Variants in COL3A1 observed in about 807,000 individuals in gnomAD.
COL3A1 encodes collagen type III alpha 1 chain.
COL3A1 carries 46 observed loss-of-function variants against 200.9 expected under a neutral mutation model. That is an observed-to-expected ratio of 0.23 (90% confidence interval 0.18 to 0.29). COL3A1 has a LOEUF of 0.29. Ranked by LOEUF, COL3A1 falls within the 10% of genes least tolerant of loss-of-function variation. COL3A1 has a pLI of 1.00. For missense variants in COL3A1, 1,367 were observed against 1,917.6 expected, an observed-to-expected ratio of 0.71 and a Z score of 5.36; for synonymous variants, 650 against 628.0, an observed-to-expected ratio of 1.03 and a Z score of -0.52.
rs1377084633 is a variant in COL3A1, at chr2:188,980,424, TTTTA to T, written c.80-4335_80-4332del. Among the ~76,000 whole-genome samples the T allele has an allele frequency of 2.8e-3, 49 of 17,806 alleles. No individual in the cohort carries two copies. In the East Asian group the frequency reaches 0.034, roughly 12 times the overall value. The allele number at this position is 17,806 out of a possible 152,430, so 11.7% of individuals were successfully genotyped here. A position where few individuals can be genotyped will look rare whatever the true frequency, so the allele number is the denominator to read the frequency against. ...TTTAGACAATTCTAAAAGATTAATC[TTTTA>T]GACAATTCTAAAAGATTAATCTTTT... On this transcript the variant is annotated intron_variant, in intron 1 of 50. Coordinates refer to ENST00000304636, the MANE Select transcript of COL3A1 (RefSeq NM_000090.4).
At position 188,998,798 on chromosome 2, in the gene COL3A1, C is replaced by A. The variant is rs762889445; in HGVS notation, c.2022+80C>A. On this transcript the variant is annotated intron_variant, in intron 29 of 50. Coordinates refer to ENST00000304636, the MANE Select transcript of COL3A1 (RefSeq NM_000090.4). ...AGTAGTATATTTTTAGTATATCAAG[C>A]CAAAATACTCTTTCTTTAAAAGAGC... is the stretch of plus-strand genomic sequence containing the variant. 33 of 1,243,472 alleles carry A rather than the reference C, an allele frequency of 2.7e-5. No individual in the cohort carries two copies. In the East Asian group the frequency reaches 4.8e-4, roughly 18 times the overall value. 77.0% of individuals were successfully genotyped at this position (1,243,472 alleles called of 1,614,324 possible).
intron 47 of COL3A1, chr2:189,008,379 A>G: frequency 1.8e-6 from 1 of 542,560 alleles, no homozygotes; most frequent in Non-Finnish European, 3.3e-6. Context: ...CAGAATAATG[A>G]CATCTGCCCA....
Position 189,002,720 on chromosome 2 carries a change from C to T in COL3A1, c.2446-235C>T, listed in dbSNP as rs41263779. On this transcript the variant is annotated intron_variant, in intron 35 of 50. Coordinates refer to ENST00000304636, the MANE Select transcript of COL3A1 (RefSeq NM_000090.4). ...TTCAAATGTTTAATCCTTAGAGACA[C>T]TTCCTCCCTCCCTAATGGCAAATAA... Among the ~76,000 whole-genome samples the T allele has an allele frequency of 8.3e-3, 1,267 of 152,308 alleles. 10 individuals carry two copies. The highest frequency in any genetic ancestry group is 0.033 in the South Asian group (157 of 4,828).
chr2:189,005,280 A>G (rs985383915), intron 40 of COL3A1, 70 bp from the exon 41 acceptor site: 9 of 1,323,970 alleles, frequency 6.8e-6, no homozygotes, highest in East Asian at 2.3e-5. Context: ...GAAAATAAAG[A>G]TATCTGATAA....
rs35759441 is a variant in COL3A1 at position 189,009,052 on chromosome 2, G to A, written c.3654G>A (p.Pro1218=). The A allele has an allele frequency of 3.2e-5, 52 of 1,614,144 alleles. No individual in the cohort carries two copies. The highest frequency in any genetic ancestry group is 2.0e-4 in the East Asian group (9 of 44,872). ...GTGAAAAAGCTGGCGGTTTTGCCCC[G>A]TATTATGGAGATGAACCAATGGATT... is the stretch of plus-strand genomic sequence containing the variant. The part of the protein sequence containing the change: ...IGGEKAGGFA[P]YYGDEPMDFK... Residue 1218 remains proline, a synonymous_variant, in exon 48 of 51, where the codon CCG becomes CCA. Coordinates refer to ENST00000304636, the MANE Select transcript of COL3A1 (RefSeq NM_000090.4).
chr2:188,994,345 GT>G lies in COL3A1; in HGVS notation c.1293+19del. 6.2e-7 allele frequency: 1 copy of G among 1,613,294 alleles called. No individual in the cohort carries two copies. Among genetic ancestry groups the G allele is most frequent in the Non-Finnish European group, 8.5e-7 (1 of 1,179,794 alleles). ...GCGAGGTGGTGCAGTAAGTTGCCTT[GT>G]TTTTTCTCTGTTGACTGAAAGGTAT... On this transcript the variant is annotated intron_variant, in intron 18 of 50. Coordinates refer to ENST00000304636, the MANE Select transcript of COL3A1 (RefSeq NM_000090.4). The surrounding 1 kb of genome is among the most constrained non-coding windows in gnomAD (Gnocchi z 4.5).
intron 41 of COL3A1, 147 bp from the exon 42 acceptor site, chr2:189,006,059 C>T: frequency 1.3e-6 from 1 of 770,750 alleles, no homozygotes; most frequent in African/African-American, 1.7e-5. Context: ...TGAAGGGCCA[C>T]ACTGCTTTGT....
rs767962805 is a variant in COL3A1, at chr2:188,991,650, T to C, written c.898-19T>C. ...ATGTCAAGATTAGAGTAAAACCATA[T>C]TTCAATTTTACTCTGTAGGGTCCAA... On this transcript the variant is annotated intron_variant, in intron 12 of 50. Coordinates refer to ENST00000304636, the MANE Select transcript of COL3A1 (RefSeq NM_000090.4). The C allele has an allele frequency of 1.6e-5, 26 of 1,613,858 alleles. No homozygotes were observed. The highest frequency in any genetic ancestry group is 2.1e-5 in the Non-Finnish European group (25 of 1,179,794).
In COL3A1 at chr2:189,006,403, C is replaced by A; in HGVS notation, c.3152C>A (p.Pro1051Gln). ...GAPGAPGHPG[P>Q]PGPVGPAGKS... Reference sequence around the variant, plus strand: ...CCTGGCGCTCCTGGTCATCCAGGCCCACCTGGTCCTGTCGGTCCAGCTGGA... The same window carrying A: ...CCTGGCGCTCCTGGTCATCCAGGCCAACCTGGTCCTGTCGGTCCAGCTGGA... Residue 1051 changes from proline to glutamine, a missense_variant, in exon 43 of 51, where the codon CCA becomes CAA. Pro to Gln is a moderately conservative substitution (Grantham distance 76). Transcript: ENST00000304636. The A allele has an allele frequency of 6.2e-7, 1 of 1,614,124 alleles. No homozygotes were observed. The highest frequency in any genetic ancestry group is 8.5e-7 in the Non-Finnish European group (1 of 1,180,030).
In COL3A1 at chr2:188,994,964, C is replaced by T. The variant is rs1688271884; in HGVS notation, c.1456-82C>T. The T allele has an allele frequency of 1.9e-6, 3 of 1,553,382 alleles. No individual in the cohort carries two copies. Among genetic ancestry groups the T allele is most frequent in the Non-Finnish European group, 2.7e-6 (3 of 1,124,974 alleles). On this transcript the variant is annotated intron_variant, in intron 20 of 50. Transcript: ENST00000304636. The surrounding 1 kb of genome is among the most constrained non-coding windows in gnomAD (Gnocchi z 4.5). ...AAATATTGTTTAAAGCATTCTATGA[C>T]ATAAAAATATTTGCCACTCAAGAAT...
chr2:188,983,821 A>G (rs982542014), intron 1 of COL3A1, among the ~76,000 whole-genome samples: 3 of 151,984 alleles, frequency 2.0e-5, no homozygotes, highest in African/African-American at 4.8e-5. Flanking sequence ...AATTACTGGC[A>G]AACTATCATA....
Position 189,011,622 on chromosome 2 carries a change from T to A in COL3A1, c.4255-6T>A. On this transcript the variant is annotated splice_polypyrimidine_tract_variant and splice_region_variant and intron_variant, in intron 50 of 50. Transcript: ENST00000304636. ...ATGATCATGTACATTTTGTCCTTTT[T>A]TACAGAAACACACTGGGGAATGGAG... The A allele has an allele frequency of 3.1e-6, 5 of 1,613,992 alleles. No individual in the cohort carries two copies. Among genetic ancestry groups the A allele is most frequent in the Non-Finnish European group, 4.2e-6 (5 of 1,179,858 alleles).
In COL3A1 at chr2:188,996,112, T is replaced by A; in HGVS notation, c.1609-13T>A. On this transcript the variant is annotated splice_polypyrimidine_tract_variant and intron_variant, in intron 22 of 50. Coordinates refer to ENST00000304636, the MANE Select transcript of COL3A1 (RefSeq NM_000090.4). ...CATTTTAAATCACCTAACAACTGAC[T>A]TCTTTACTTCAGGGCATGCCCGGAA... The A allele has an allele frequency of 6.2e-7, 1 of 1,613,114 alleles. No individual in the cohort carries two copies. Among genetic ancestry groups the A allele is most frequent in the Non-Finnish European group, 8.5e-7 (1 of 1,179,382 alleles).
intron 45 of COL3A1, 137 bp from the exon 46 acceptor site, chr2:189,007,748 G>C: frequency 8.0e-7 from 1 of 1,248,074 alleles, no homozygotes; most frequent in Non-Finnish European, 1.2e-6. Flanking sequence ...ACAACAATCA[G>C]CATGACACAA....
intron 1 of COL3A1, chr2:188,978,285 A>G (rs1169216403): frequency 1.7e-5 from 3 of 171,732 alleles, no homozygotes; most frequent in African/African-American, 7.2e-5. Flanking sequence ...ACTACTTCAG[A>G]TTCCTGGATT....
intron 40 of COL3A1, among the ~76,000 whole-genome samples, chr2:189,005,091 A>G (rs1288858801): frequency 6.6e-6 from 1 of 152,144 alleles, no homozygotes; most frequent in African/African-American, 2.4e-5. Context: ...TTCATCTCAG[A>G]TTACAATGTA....
intron 13 of COL3A1, among the ~76,000 whole-genome samples, chr2:188,991,928 G>A (rs73981455): frequency 0.01 from 1,581 of 152,210 alleles, 31 homozygotes; most frequent in African/African-American, 0.036. Flanking sequence ...GAATTTTTGT[G>A]TTAACTTTTC....
chr2:188,992,378 T>A (rs556952603), intron 14 of COL3A1, 150 bp downstream of exon 14: 1 of 727,402 alleles, frequency 1.4e-6, no homozygotes, highest in East Asian at 2.8e-5. Flanking sequence ...CTGTTGACCA[T>A]TTTTACAATT....
At chr2:189,003,623 C>T in intron 37 of COL3A1, 111 bp from the exon 38 acceptor site, 7 of 1,383,846 alleles carry the variant, frequency 5.1e-6, no homozygotes, top group Middle Eastern at 1.8e-4. Context: ...AAACACAAAC[C>T]ATAAATGACT....
Sources: gnomAD v4.1 joint callset for allele counts (sites outside exome capture counted in the v4.1 genomes callset) on GRCh38, gnomAD v4.1.1 for gene constraint, Gnocchi (gnomAD v3.1) non-coding constraint, MANE v1.5 for transcripts, NCBI Gene and HGNC (gene_info 2026-07-23, HGNC 2026-07-21) for gene names.